RAB27B: variants seen among roughly 807,000 people sequenced by gnomAD.
RAB27B encodes RAB27B, member RAS oncogene family, also known as ras-related protein Rab-27B.
In RAB27B, 15 loss-of-function variants were observed where a neutral mutation model predicts 24.6. That is an observed-to-expected ratio of 0.61 (90% confidence interval 0.41 to 0.94). RAB27B has a LOEUF of 0.94. Among genes scored for constraint, RAB27B ranks in the 40% least tolerant of loss-of-function variants. RAB27B has a pLI of 0.00. For synonymous variants in RAB27B, 105 were observed against 92.5 expected, an observed-to-expected ratio of 1.14 and a Z score of -0.78; for missense variants, 261 against 266.8, an observed-to-expected ratio of 0.98 and a Z score of 0.15.
chr18:54,825,942 T>C (rs1423482325), upstream of RAB27B, among the ~76,000 whole-genome samples: 1 of 152,248 alleles, frequency 6.6e-6, no homozygotes, highest in Non-Finnish European at 1.5e-5. Context: ...CTTTTTACCA[T>C]AATCTCTCCT....
rs201484039 is a variant in RAB27B, at chr18:54,877,591, C to T, written c.6C>T (p.Thr2=). 67 of 1,554,790 alleles carry T rather than the reference C, an allele frequency of 4.3e-5. No homozygotes were observed. In the Admixed American group the frequency reaches 8.0e-4, roughly 19 times the overall value. M[T]DGDYDYLIKL... ...GACCGACCAAGACCATCACTATGAC[C>T]GATGGAGACTATGATTATCTGATCA... Residue 2 remains threonine, a synonymous_variant, in exon 2 of 6, where the codon ACC becomes ACT. Transcript: ENST00000262094.
chr18:54,841,472 G>A (rs369160198), intron 1 of RAB27B, among the ~76,000 whole-genome samples: 1 of 152,130 alleles, frequency 6.6e-6, no homozygotes, highest in Non-Finnish European at 1.5e-5. Context: ...AGTATCCACC[G>A]AGGGTCCTCG....
intron 1 of RAB27B, among the ~76,000 whole-genome samples, chr18:54,833,200 C>T (rs1459469577): frequency 6.6e-6 from 1 of 150,534 alleles, no homozygotes; most frequent in Non-Finnish European, 1.5e-5. Flanking sequence ...GAAGGGTCAT[C>T]TCCCTCTTCT....
chr18:54,735,425 G>C (rs555595919), intron 2 of RAB27B, among the ~76,000 whole-genome samples: 46 of 152,306 alleles, frequency 3.0e-4, no homozygotes, highest in African/African-American at 1.1e-3. Flanking sequence ...ATCTGGGACA[G>C]AGCTGTGCCT....
chr18:54,874,226 C>T (rs1217951193), intron 1 of RAB27B, among the ~76,000 whole-genome samples: 1 of 152,166 alleles, frequency 6.6e-6, no homozygotes, highest in African/African-American at 2.4e-5. Flanking sequence ...GTCTAATTCC[C>T]CTCCACGCTA....
intron 2 of RAB27B, among the ~76,000 whole-genome samples, chr18:54,722,853 G>T (rs1325307876): frequency 1.3e-5 from 2 of 152,116 alleles, no homozygotes; most frequent in African/African-American, 2.4e-5. Context: ...GGATCAAAAT[G>T]GTTCAACAAT....
chr18:54,788,598 T>A (rs1909160438), intron 2 of RAB27B, among the ~76,000 whole-genome samples: 1 of 152,212 alleles, frequency 6.6e-6, no homozygotes. Context: ...CCACTGCACC[T>A]GGGCTCAGCT....
chr18:54,736,309 C>T (rs1448925390), intron 2 of RAB27B, among the ~76,000 whole-genome samples: 1 of 151,878 alleles, frequency 6.6e-6, no homozygotes, highest in East Asian at 1.9e-4. Context: ...ATAATAGCAC[C>T]CAATAGTGCA....
chr18:54,728,914 A>C, intron 2 of RAB27B, among the ~76,000 whole-genome samples: 1 of 145,536 alleles, frequency 6.9e-6, no homozygotes, highest in African/African-American at 2.6e-5. Context: ...AAAAAAAAAA[A>C]AAAAAAAAAC....
At chr18:54,813,454 G>A (rs1268370855) in intron 2 of RAB27B, among the ~76,000 whole-genome samples, 1 of 152,164 alleles carries the variant, frequency 6.6e-6, no homozygotes, top group African/African-American at 2.4e-5. Flanking sequence ...ATCATGAATG[G>A]CTTCGTGCCC....
chr18:54,779,788 A>T (rs1243530202), intron 2 of RAB27B, among the ~76,000 whole-genome samples: 1 of 152,160 alleles, frequency 6.6e-6, no homozygotes, highest in East Asian at 1.9e-4. Context: ...TAAACAGCAG[A>T]TATTTACTTT....
At chr18:54,807,146 G>A (rs753628823) in intron 2 of RAB27B, among the ~76,000 whole-genome samples, 2 of 152,158 alleles carry the variant, frequency 1.3e-5, no homozygotes, top group African/African-American at 2.4e-5. Context: ...TGATCTGCCG[G>A]CGTTGGCCTC....
intron 2 of RAB27B, among the ~76,000 whole-genome samples, chr18:54,758,604 T>C (rs1908079598): frequency 6.8e-6 from 1 of 147,154 alleles, no homozygotes; most frequent in Non-Finnish European, 1.5e-5. Flanking sequence ...ATGATGTCTC[T>C]CTCTCCAGCT....
chr18:54,771,862 C>T (rs1281399338), intron 2 of RAB27B, among the ~76,000 whole-genome samples: 1 of 152,006 alleles, frequency 6.6e-6, no homozygotes, highest in South Asian at 2.1e-4. Context: ...ATCTGAAGAC[C>T]CCAAGCAAGA....
chr18:54,872,697 TA>T (rs1938301609), intron 1 of RAB27B, among the ~76,000 whole-genome samples: 1 of 151,990 alleles, frequency 6.6e-6, no homozygotes, highest in Non-Finnish European at 1.5e-5. Flanking sequence ...AGTGAGTCTT[TA>T]ATCTAAATAC....
At chr18:54,769,961 G>C (rs963618155) in intron 2 of RAB27B, among the ~76,000 whole-genome samples, 4 of 152,078 alleles carry the variant, frequency 2.6e-5, no homozygotes, top group African/African-American at 9.7e-5. Flanking sequence ...TCAGCTTCTT[G>C]GGTTCAAGTG....
At chr18:54,835,156 A>T (rs763083678) in intron 1 of RAB27B, among the ~76,000 whole-genome samples, 2 of 151,980 alleles carry the variant, frequency 1.3e-5, no homozygotes, top group Non-Finnish European at 2.9e-5. Flanking sequence ...TAAAAATACA[A>T]AATGAAATTA....
intron 1 of RAB27B, among the ~76,000 whole-genome samples, chr18:54,867,718 T>C (rs146219066): frequency 1.7e-3 from 256 of 152,284 alleles, no homozygotes; most frequent in African/African-American, 5.7e-3. Context: ...ATGCTGGGAT[T>C]ACAGGCGTGA....
chr18:54,843,362 T>C (rs1305408763), intron 1 of RAB27B, among the ~76,000 whole-genome samples: 1 of 3,762 alleles, frequency 2.7e-4, no homozygotes, highest in Non-Finnish European at 0.05. Flanking sequence ...ATAAAACTCT[T>C]TTTTTTTTTA....
Sources: allele counts gnomAD v4.1 joint callset (sites outside exome capture counted in the v4.1 genomes callset), GRCh38; gene constraint gnomAD v4.1.1; transcripts MANE v1.5; gene names NCBI Gene and HGNC (gene_info 2026-07-23, HGNC 2026-07-21).